The following CA10 variants were observed in gnomAD, a reference collection of about 807,000 sequenced individuals.
CA10 encodes carbonic anhydrase-related protein 10.
Under a neutral mutation model 44.2 loss-of-function variants are expected in CA10, and 14 were observed. The ratio of observed to expected loss-of-function variants is 0.32; its 90% confidence interval spans 0.21 to 0.50. The LOEUF (loss-of-function observed/expected upper bound fraction) is 0.50, where lower values mean the gene tolerates loss of function less well. CA10 is among the 20% of genes least tolerant of loss of function. The pLI, the probability that CA10 is intolerant of heterozygous loss-of-function variation, is 0.99. For missense variants in CA10, 350 were observed against 409.7 expected (o/e 0.85, Z 1.26); for synonymous variants, 159 against 141.6 (o/e 1.12, Z -0.87).
At chr17:51,745,882 A>T (rs1240747301) in intron 4 of CA10, among the ~76,000 whole-genome samples, 2 of 152,238 alleles carry the variant, frequency 1.3e-5, no homozygotes, top group African/African-American at 4.8e-5. Flanking sequence ...AGATAAAATA[A>T]TTACAAACCT....
intron 3 of CA10, among the ~76,000 whole-genome samples, chr17:51,864,941 T>G (rs1979477147): frequency 6.6e-6 from 1 of 152,094 alleles, no homozygotes. Context: ...AATTATTGAG[T>G]GCCTTGTATG....
intron 2 of CA10, among the ~76,000 whole-genome samples, chr17:52,038,539 G>A (rs773866727): frequency 5.3e-5 from 8 of 152,042 alleles, no homozygotes; most frequent in Non-Finnish European, 2.9e-5. Flanking sequence ...TAGAGACTTG[G>A]CATCCATTAA....
rs948746721 is a variant in CA10 at position 51,943,255 on chromosome 17, G to A, written c.137-12123C>T. 4.6e-5 allele frequency among the ~76,000 whole-genome samples: 7 copies of A among 152,062 alleles called. No homozygotes were observed. In the South Asian group the frequency reaches 6.2e-4, roughly 14 times the overall value. ...TCACTCTGGATTTCTAGAGAAGCTG[G>A]TTAGGTGCTAGAGGATTCCTACTTA... On this transcript the variant is annotated intron_variant, in intron 2 of 8. Coordinates refer to ENST00000451037, the MANE Select transcript of CA10 (RefSeq NM_020178.5).
chr17:51,789,695 T>TA (rs1292287995), intron 3 of CA10, among the ~76,000 whole-genome samples: 1 of 152,212 alleles, frequency 6.6e-6, no homozygotes, highest in African/African-American at 2.4e-5. Flanking sequence ...CCTCATCCTG[T>TA]AATGGTTCCC....
intron 1 of CA10, among the ~76,000 whole-genome samples, chr17:52,152,674 A>G (rs1192012287): frequency 6.6e-6 from 1 of 152,148 alleles, no homozygotes; most frequent in Non-Finnish European, 1.5e-5. Flanking sequence ...ATTACTTTAT[A>G]TCATTCTAAA....
At chr17:51,642,041 A>G (rs569200861) in intron 6 of CA10, among the ~76,000 whole-genome samples, 2 of 152,356 alleles carry the variant, frequency 1.3e-5, no homozygotes, top group African/African-American at 4.8e-5. Flanking sequence ...GGCAAATTCA[A>G]CTGAAATGAA....
chr17:51,918,349 T>C (rs1055188052), intron 3 of CA10, among the ~76,000 whole-genome samples: 3 of 152,164 alleles, frequency 2.0e-5, no homozygotes, highest in Non-Finnish European at 1.5e-5. Context: ...AAAATGCAAA[T>C]TGAGAAAAAT....
chr17:51,914,340 C>G (rs1362528483), intron 3 of CA10, among the ~76,000 whole-genome samples: 1 of 152,128 alleles, frequency 6.6e-6, no homozygotes, highest in Non-Finnish European at 1.5e-5. Context: ...GTGTTTTCCC[C>G]TGACTCTATG....
At chr17:51,930,158 G>A (rs957573332) in intron 3 of CA10, among the ~76,000 whole-genome samples, 6 of 152,060 alleles carry the variant, frequency 3.9e-5, no homozygotes, top group Non-Finnish European at 8.8e-5. Flanking sequence ...AGAATCAGCC[G>A]CTGGTATTAT....
intron 4 of CA10, among the ~76,000 whole-genome samples, chr17:51,713,174 T>C (rs1368466096): frequency 6.6e-6 from 1 of 152,202 alleles, no homozygotes; most frequent in Non-Finnish European, 1.5e-5. Flanking sequence ...GTGGAAGGAT[T>C]GGGAGCTGCT....
At chr17:52,065,082 C>T (rs1598195856) in intron 2 of CA10, among the ~76,000 whole-genome samples, 1 of 152,206 alleles carries the variant, frequency 6.6e-6, no homozygotes, top group South Asian at 2.1e-4. Context: ...TGCACTCTGG[C>T]CACAGTGACC....
In CA10 at chr17:51,649,878, G is replaced by GAAAAAA. The variant is rs4058505; in HGVS notation, c.562-630_562-625dup. ...CCCAGAATAGAGGTATAAGGAAATGGAAAAAAAAAAAAACTGAAAAGTATC... is the reference window on the plus strand; with the variant it reads ...CCCAGAATAGAGGTATAAGGAAATGGAAAAAAAAAAAAAAAAAAACTGAAAAGTATC... On this transcript the variant is annotated intron_variant, in intron 5 of 8. Transcript: ENST00000451037. Among the ~76,000 whole-genome samples, 7 of 142,714 alleles carry GAAAAAA rather than the reference G, an allele frequency of 4.9e-5. 1 individual carries two copies. The highest frequency in any genetic ancestry group is 4.5e-5 in the Non-Finnish European group (3 of 66,156). 93.6% of individuals were successfully genotyped at this position (142,714 alleles called of 152,430 possible).
intron 1 of CA10, among the ~76,000 whole-genome samples, chr17:52,079,010 G>T (rs1246023444): frequency 6.6e-6 from 1 of 152,202 alleles, no homozygotes; most frequent in Non-Finnish European, 1.5e-5. Flanking sequence ...TATTTGGCCG[G>T]GTGTGGTGGC....
intron 4 of CA10, among the ~76,000 whole-genome samples, chr17:51,673,969 T>TC (rs35906990): frequency 6.6e-6 from 1 of 151,834 alleles, no homozygotes; most frequent in African/African-American, 2.4e-5. Context: ...AGAATGTCCT[T>TC]CCCCCCCAGG....
At chr17:51,820,406 C>CT (rs1907729395) in intron 3 of CA10, among the ~76,000 whole-genome samples, 1 of 6,524 alleles carries the variant, frequency 1.5e-4, no homozygotes, top group Non-Finnish European at 3.5e-4. Context: ...GATTCCCCTA[C>CT]CCCCCCCCCC....
At chr17:51,768,754 T>C (rs1242319857) in intron 3 of CA10, among the ~76,000 whole-genome samples, 1 of 152,242 alleles carries the variant, frequency 6.6e-6, no homozygotes, top group Non-Finnish European at 1.5e-5. Flanking sequence ...CCTGTGAGGC[T>C]ACACTGCAAG....
chr17:51,961,140 T>C (rs1373246822), intron 2 of CA10, among the ~76,000 whole-genome samples: 1 of 151,300 alleles, frequency 6.6e-6, no homozygotes, highest in Non-Finnish European at 1.5e-5. Flanking sequence ...AACCCACGAT[T>C]GCATTAGCCA....
At chr17:51,679,386 A>G (rs1011439855) in intron 4 of CA10, among the ~76,000 whole-genome samples, 1 of 150,586 alleles carries the variant, frequency 6.6e-6, no homozygotes, top group Non-Finnish European at 1.5e-5. Flanking sequence ...CAGCCTCCCT[A>G]GTAGCTGGGA....
chr17:51,796,238 C>G lies in CA10; in HGVS notation c.280-48420G>C, dbSNP rs534346885. ...TCCTGTTCTTTTTTTTTAGAGGCGA[C>G]CACTGAGGCCCAGAAAAGGGGAAGT... On this transcript the variant is annotated intron_variant, in intron 3 of 8. Transcript: ENST00000451037. Among the ~76,000 whole-genome samples the G allele has an allele frequency of 1.5e-3, 227 of 152,024 alleles. 1 individual carries two copies. The highest frequency in any genetic ancestry group is 3.4e-3 in the Middle Eastern group (1 of 294).
Sources: gnomAD v4.1 joint callset for allele counts (sites outside exome capture counted in the v4.1 genomes callset) on GRCh38, gnomAD v4.1.1 for gene constraint, MANE v1.5 for transcripts, NCBI Gene and HGNC (gene_info 2026-07-23, HGNC 2026-07-21) for gene names.